The following PAPPA2 variants were observed in gnomAD, a reference collection of about 807,000 sequenced individuals.
PAPPA2 encodes the protein pappalysin-2.
A neutral mutation model predicts 176.4 loss-of-function variants in PAPPA2; 86 were observed. The ratio of observed to expected loss-of-function variants is 0.49; its 90% CI spans 0.41 to 0.58. The LOEUF is 0.58. Among genes scored for constraint, PAPPA2 ranks in the 20% least tolerant of loss-of-function variants. The pLI is 0.00. For synonymous variants in PAPPA2, 809 were observed against 852.2 expected (o/e 0.95, Z 0.88); for missense variants, 2,073 against 2,256.9 (o/e 0.92, Z 1.65).
intron 3 of PAPPA2, among the ~76,000 whole-genome samples, chr1:176,634,799 GAGATAGATAGATAGAT>G (rs11277807): frequency 3.9e-4 from 47 of 120,244 alleles, no homozygotes; most frequent in African/African-American, 5.7e-4. Flanking sequence ...TCCAAGGAGA[GAGATAGATAGATAGAT>G]AGATAGATAG....
intron 3 of PAPPA2, among the ~76,000 whole-genome samples, chr1:176,600,536 C>T (rs1349841014): frequency 6.6e-6 from 1 of 151,336 alleles, no homozygotes; most frequent in South Asian, 2.1e-4. Flanking sequence ...ATTAGCCGGG[C>T]GTGGTAGCGG....
chr1:176,769,137 A>G (rs772691917), intron 15 of PAPPA2, among the ~76,000 whole-genome samples: 6 of 152,156 alleles, frequency 3.9e-5, no homozygotes, highest in African/African-American at 7.2e-5. Flanking sequence ...CTTCCAGAAG[A>G]TGCAGCCAAT....
Position 176,712,920 on chromosome 1 carries a change from T to TA in PAPPA2, c.3798+941dup, listed in dbSNP as rs988075833. On this transcript the variant is annotated intron_variant, in intron 12 of 22. Coordinates refer to ENST00000367662, the MANE Select transcript of PAPPA2 (RefSeq NM_020318.3). Reference sequence around the variant, plus strand: ...TTTCAGTTTGTATTTGCATGATGACTAATGAGATTGGGAGGCTTTCATATG... The same window carrying TA: ...TTTCAGTTTGTATTTGCATGATGACTAAATGAGATTGGGAGGCTTTCATATG... Among the ~76,000 whole-genome samples, 142 of 152,350 alleles carry TA rather than the reference T, an allele frequency of 9.3e-4. 1 individual carries two copies. Among genetic ancestry groups the TA allele is most frequent in the African/African-American group, 2.9e-3 (120 of 41,584 alleles).
intron 12 of PAPPA2, among the ~76,000 whole-genome samples, chr1:176,721,697 C>T (rs1387722751): frequency 6.6e-6 from 1 of 152,130 alleles, no homozygotes. Flanking sequence ...AATATATTCT[C>T]TCTGTCTTTT....
intron 2 of PAPPA2, among the ~76,000 whole-genome samples, chr1:176,571,131 C>T (rs994345002): frequency 6.6e-6 from 1 of 152,136 alleles, no homozygotes; most frequent in Non-Finnish European, 1.5e-5. Flanking sequence ...TCTGGCTCCT[C>T]ATACACACAG....
At chr1:176,515,329 G>T (rs1397997327) in intron 1 of PAPPA2, among the ~76,000 whole-genome samples, 4 of 152,168 alleles carry the variant, frequency 2.6e-5, no homozygotes, top group Admixed American at 6.6e-5. Context: ...AACTGCACTG[G>T]AGGATGAGTG....
chr1:176,595,671 G>T (rs750221697), intron 3 of PAPPA2, 76 bp downstream of exon 3: 83 of 1,401,518 alleles, frequency 5.9e-5, no homozygotes, highest in Non-Finnish European at 7.8e-5. Flanking sequence ...GGTTTTGGAG[G>T]CAAATGTGTT....
intron 1 of PAPPA2, among the ~76,000 whole-genome samples, chr1:176,512,925 C>A (rs1339785176): frequency 6.6e-6 from 1 of 152,090 alleles, no homozygotes; most frequent in African/African-American, 2.4e-5. Flanking sequence ...CCATTCTCAC[C>A]AGGTATTTTG....
chr1:176,571,269 C>A (rs1407947975), intron 2 of PAPPA2, among the ~76,000 whole-genome samples: 1 of 152,176 alleles, frequency 6.6e-6, no homozygotes, highest in Non-Finnish European at 1.5e-5. Context: ...GTCCTACCTC[C>A]ACCTCCTCAT....
At chr1:176,794,216 A>G (rs1557875914) in intron 20 of PAPPA2, among the ~76,000 whole-genome samples, 1 of 152,226 alleles carries the variant, frequency 6.6e-6, no homozygotes, top group Non-Finnish European at 1.5e-5. Flanking sequence ...GATGAAAAAC[A>G]TATCGAAGTA....
Position 176,476,766 on chromosome 1 carries a change from G to A in PAPPA2, c.-917+13348G>A, listed in dbSNP as rs181635176. Among the ~76,000 whole-genome samples, 171 of 152,256 alleles carry A rather than the reference G, an allele frequency of 1.1e-3. 2 individuals carry two copies. Among genetic ancestry groups the A allele is most frequent in the Admixed American group, 3.2e-3 (49 of 15,296 alleles). On this transcript the variant is annotated intron_variant, in intron 1 of 22. Coordinates refer to ENST00000367662, the MANE Select transcript of PAPPA2 (RefSeq NM_020318.3). ...AGATTTAAACAATGACAGATTCCTG[G>A]GTTCTTCTTTAGAGGTTATGATTCT...
In PAPPA2 at chr1:176,813,388, TAATTTCCACTCTCATCAACAGTGTA is replaced by T. The variant is rs1369525927; in HGVS notation, c.5202+13259_5202+13283del. ...ACACTGTCTTCTACAATGGCTAAAC[TAATTTCCACTCTCATCAACAGTGTA>T]AAAGCATTCCTTTTTCTCTTCAACT... On this transcript the variant is annotated intron_variant, in intron 21 of 22. Transcript: ENST00000367662. Among the ~76,000 whole-genome samples the T allele has an allele frequency of 3.3e-5, 5 of 152,362 alleles. No homozygotes were observed. The East Asian group carries it at 9.6e-4, about 29-fold the overall frequency.
In PAPPA2 at chr1:176,640,340, C is replaced by A. The variant is rs1425804126; in HGVS notation, c.1992-30630C>A. Among the ~76,000 whole-genome samples, 11 of 110,502 alleles carry A rather than the reference C, an allele frequency of 1.0e-4. No homozygotes were observed. In the South Asian group the frequency reaches 1.9e-3, roughly 19 times the overall value. 72.5% of individuals were successfully genotyped at this position (110,502 alleles called of 152,430 possible). A position where few individuals can be genotyped will look rare whatever the true frequency, so the allele number is the denominator to read the frequency against. ...TATATCTCCCAATGCTATCCCTCCC[C>A]CCTCCCCCCACCCCACAACAGTCCC... On this transcript the variant is annotated intron_variant, in intron 3 of 22. Coordinates refer to ENST00000367662, the MANE Select transcript of PAPPA2 (RefSeq NM_020318.3).
intron 1 of PAPPA2, among the ~76,000 whole-genome samples, chr1:176,466,823 C>A (rs987173672): frequency 6.6e-6 from 1 of 152,150 alleles, no homozygotes; most frequent in Non-Finnish European, 1.5e-5. Context: ...TTCCCTGCAA[C>A]GTGGAGGGAG....
chr1:176,793,976 C>T (rs1417006070), intron 20 of PAPPA2, among the ~76,000 whole-genome samples: 1 of 152,102 alleles, frequency 6.6e-6, no homozygotes, highest in African/African-American at 2.4e-5. Context: ...TGCCTGTAGT[C>T]CCAGCTACTT....
intron 14 of PAPPA2, among the ~76,000 whole-genome samples, chr1:176,757,813 C>A (rs1558564954): frequency 6.6e-6 from 1 of 152,138 alleles, no homozygotes; most frequent in African/African-American, 2.4e-5. Flanking sequence ...CCTAGGTTTT[C>A]TTCTAGGGTT....
At chr1:176,811,815 C>T (rs1156707753) in intron 21 of PAPPA2, among the ~76,000 whole-genome samples, 3 of 152,148 alleles carry the variant, frequency 2.0e-5, no homozygotes, top group Non-Finnish European at 4.4e-5. Context: ...TCAGATTCTC[C>T]AGCTGGAATC....
intron 17 of PAPPA2, among the ~76,000 whole-genome samples, chr1:176,775,152 T>C (rs1425931660): frequency 2.0e-5 from 3 of 152,200 alleles, no homozygotes; most frequent in Non-Finnish European, 4.4e-5. Flanking sequence ...TCTCACTGAT[T>C]ACAAATGATC....
At chr1:176,527,792 G>A (rs1219742795) in intron 1 of PAPPA2, among the ~76,000 whole-genome samples, 1 of 152,088 alleles carries the variant, frequency 6.6e-6, no homozygotes, top group Non-Finnish European at 1.5e-5. Flanking sequence ...TGATTTAAAG[G>A]GGCAGAACTG....
Sources: allele counts gnomAD v4.1 joint callset (sites outside exome capture counted in the v4.1 genomes callset), GRCh38; gene constraint gnomAD v4.1.1; transcripts MANE v1.5; gene names NCBI Gene and HGNC (gene_info 2026-07-23, HGNC 2026-07-21).